RAB11FIP4: variants seen among roughly 807,000 people sequenced by gnomAD.
RAB11FIP4 encodes rab11 family-interacting protein 4.
Under a neutral mutation model 74.3 loss-of-function variants are expected in RAB11FIP4, and 23 were observed. That is an observed-to-expected ratio of 0.31 (90% CI 0.22 to 0.44). The LOEUF (loss-of-function observed/expected upper bound fraction) is 0.44. RAB11FIP4 is among the 20% of genes least tolerant of loss of function. The probability of loss-of-function intolerance (pLI) is 1.00; values close to 1 mark genes in which losing one functional copy is unlikely to be tolerated. For missense variants in RAB11FIP4, 630 were observed against 863.9 expected (o/e 0.73, Z 3.39); for synonymous variants, 360 against 359.9 (o/e 1.00, Z 0.00).
intron 14 of RAB11FIP4, chr17:31,530,845 G>A (rs1247144358): frequency 2.5e-5 from 5 of 198,360 alleles, no homozygotes; most frequent in Non-Finnish European, 5.2e-5. Flanking sequence ...CTGCTTCTGC[G>A]GTGTGTTTTC....
At chr17:31,416,400 G>A (rs2071148629) in intron 1 of RAB11FIP4, among the ~76,000 whole-genome samples, 1 of 152,206 alleles carries the variant, frequency 6.6e-6, no homozygotes, top group Non-Finnish European at 1.5e-5. Context: ...GAACTGGAAG[G>A]ACCCACTTTG....
At position 31,514,584 on chromosome 17, in the gene RAB11FIP4, C is replaced by T. The variant is rs145271190; in HGVS notation, c.337-3067C>T. Among the ~76,000 whole-genome samples, 229 of 152,374 alleles carry T rather than the reference C, an allele frequency of 1.5e-3. 1 individual carries two copies. Among genetic ancestry groups the T allele is most frequent in the African/African-American group, 4.2e-3 (176 of 41,586 alleles). Reference sequence around the variant, plus strand: ...CTGCGGTGAAGTCCAGAAGAAACACCATTGCCAAGTTGCTGAGCTCTCACA... The same window carrying T: ...CTGCGGTGAAGTCCAGAAGAAACACTATTGCCAAGTTGCTGAGCTCTCACA... On this transcript the variant is annotated intron_variant, in intron 3 of 14. Transcript: ENST00000621161.
intron 3 of RAB11FIP4, among the ~76,000 whole-genome samples, chr17:31,505,405 ATAAT>A (rs2072298609): frequency 8.9e-6 from 1 of 112,692 alleles, no homozygotes. Context: ...ATAATAATAT[ATAAT>A]AATTATTATA....
chr17:31,522,411 A>G lies in RAB11FIP4; in HGVS notation c.929+16A>G. 1.2e-6 allele frequency: 2 copies of G among 1,612,670 alleles called. No individual in the cohort carries two copies. Among genetic ancestry groups the G allele is most frequent in the Non-Finnish European group, 8.5e-7 (1 of 1,179,242 alleles). The stretch of plus-strand genomic sequence containing the variant: ...CCTTTGGACGGTAAGGCCCGCCTCG[A>G]GGGAGGGCAAATTGAGTGCTGTCCC... On this transcript the variant is annotated intron_variant, in intron 7 of 14. Coordinates refer to ENST00000621161, the MANE Select transcript of RAB11FIP4 (RefSeq NM_032932.6).
intron 3 of RAB11FIP4, among the ~76,000 whole-genome samples, chr17:31,444,661 T>C (rs2071435073): frequency 6.6e-6 from 1 of 152,282 alleles, no homozygotes; most frequent in African/African-American, 2.4e-5. Context: ...CAAGTCCACA[T>C]GTATCTTTAG....
intron 3 of RAB11FIP4, among the ~76,000 whole-genome samples, chr17:31,468,828 C>CA (rs35784763): frequency 0.56 from 81,965 of 146,426 alleles, 23,820 homozygotes; most frequent in Non-Finnish European, 0.66. Flanking sequence ...GACTCTGTCT[C>CA]AAAAAAAAAA....
chr17:31,529,765 C>G (rs2072833640), intron 13 of RAB11FIP4, among the ~76,000 whole-genome samples: 1 of 152,200 alleles, frequency 6.6e-6, no homozygotes, highest in Non-Finnish European at 1.5e-5. Flanking sequence ...TGTGCTCTCA[C>G]AGAAATCCTA....
intron 6 of RAB11FIP4, 123 bp downstream of exon 6, chr17:31,522,172 G>T: frequency 7.3e-7 from 1 of 1,372,198 alleles, no homozygotes; most frequent in East Asian, 2.3e-5. Flanking sequence ...CTCAGAGGAG[G>T]GTTGATCCAG....
At chr17:31,399,229 G>A (rs2070961368) in intron 1 of RAB11FIP4, among the ~76,000 whole-genome samples, 1 of 152,180 alleles carries the variant, frequency 6.6e-6, no homozygotes, top group Non-Finnish European at 1.5e-5. Context: ...GACTCTTAGA[G>A]CTGAGTCACA....
chr17:31,467,908 G>A lies in RAB11FIP4; in HGVS notation c.336+33786G>A, dbSNP rs190708551. Among the ~76,000 whole-genome samples, 425 of 152,336 alleles carry A rather than the reference G, an allele frequency of 2.8e-3. 3 individuals carry two copies. The highest frequency in any genetic ancestry group is 3.9e-3 in the Non-Finnish European group (262 of 68,034). On this transcript the variant is annotated intron_variant, in intron 3 of 14. Transcript: ENST00000621161. ...CCTTTTGCAAAATAGCAAGTGGAAG[G>A]CCTGCCCTTGAGGCCCAGCCTGCCA...
chr17:31,446,683 A>G (rs2071467845), intron 3 of RAB11FIP4, among the ~76,000 whole-genome samples: 1 of 152,066 alleles, frequency 6.6e-6, no homozygotes, highest in South Asian at 2.1e-4. Flanking sequence ...ATCTGAGATA[A>G]TGTGGGGAAG....
intron 3 of RAB11FIP4, among the ~76,000 whole-genome samples, chr17:31,456,752 T>A (rs2071582427): frequency 1.3e-5 from 2 of 152,210 alleles, no homozygotes; most frequent in African/African-American, 4.8e-5. Flanking sequence ...GCTATGAATG[T>A]GTCTTTTATT....
chr17:31,500,576 G>A (rs969806313), intron 3 of RAB11FIP4, among the ~76,000 whole-genome samples: 4 of 152,228 alleles, frequency 2.6e-5, no homozygotes, highest in African/African-American at 9.7e-5. Flanking sequence ...AGCAATCGCT[G>A]TGTAGGTAAA....
chr17:31,475,398 C>T (rs182926223), intron 3 of RAB11FIP4, among the ~76,000 whole-genome samples: 6 of 152,336 alleles, frequency 3.9e-5, no homozygotes, highest in Admixed American at 3.9e-4. Flanking sequence ...ACATTCTAAG[C>T]TGTCAAGACG....
chr17:31,459,977 C>A (rs533014963), intron 3 of RAB11FIP4, among the ~76,000 whole-genome samples: 15 of 152,298 alleles, frequency 9.8e-5, no homozygotes, highest in Middle Eastern at 6.8e-3. Flanking sequence ...AGTGCTCCTG[C>A]CTGCCTTGCG....
intron 3 of RAB11FIP4, among the ~76,000 whole-genome samples, chr17:31,471,667 TGG>T (rs2071738296): frequency 6.6e-6 from 1 of 151,698 alleles, no homozygotes; most frequent in Admixed American, 6.6e-5. Flanking sequence ...CTAGAGGTGC[TGG>T]GGGACAGTCT....
intron 1 of RAB11FIP4, among the ~76,000 whole-genome samples, chr17:31,410,867 T>C (rs2071087225): frequency 6.6e-6 from 1 of 152,210 alleles, no homozygotes; most frequent in Admixed American, 6.5e-5. Flanking sequence ...CCGCCCAATC[T>C]GGATTCCCCT....
intron 10 of RAB11FIP4, chr17:31,525,844 G>T (rs73988087): frequency 0.038 from 5,750 of 152,504 alleles, 353 homozygotes; most frequent in African/African-American, 0.13. Context: ...GCCCCTTTGC[G>T]GCCCTTGACC....
intron 3 of RAB11FIP4, among the ~76,000 whole-genome samples, chr17:31,511,146 G>A (rs1319533963): frequency 6.6e-6 from 1 of 152,160 alleles, no homozygotes; most frequent in African/African-American, 2.4e-5. Context: ...TATAGATGGG[G>A]AAACTAAGGC....
Sources: gnomAD v4.1 joint callset for allele counts (sites outside exome capture counted in the v4.1 genomes callset) on GRCh38, gnomAD v4.1.1 for gene constraint, MANE v1.5 for transcripts, NCBI Gene and HGNC (gene_info 2026-07-23, HGNC 2026-07-21) for gene names.